The following AHNAK variants were observed in gnomAD, a reference collection of about 807,000 sequenced individuals.
AHNAK encodes the protein neuroblast differentiation-associated protein AHNAK.
A neutral mutation model predicts 37.8 loss-of-function variants in AHNAK; 23 were observed. The ratio of observed to expected loss-of-function variants is 0.61; its 90% CI spans 0.44 to 0.86. AHNAK has a LOEUF of 0.86. Ranked by LOEUF, AHNAK falls within the 40% of genes least tolerant of loss-of-function variation. The pLI is 0.00. For synonymous variants in AHNAK, 2,481 were observed against 2,636.3 expected, an observed-to-expected ratio of 0.94 and a Z score of 1.80; for missense variants, 7,411 against 7,319.4, an observed-to-expected ratio of 1.01 and a Z score of -0.46.
intron 1 of AHNAK, among the ~76,000 whole-genome samples, chr11:62,537,137 T>C (rs1017418550): frequency 1.3e-5 from 2 of 151,972 alleles, no homozygotes; most frequent in African/African-American, 2.4e-5. Flanking sequence ...ATTTTTTGTA[T>C]TTTTAGTAGA....
intron 5 of AHNAK, among the ~76,000 whole-genome samples, chr11:62,465,929 A>G (rs1320764165): frequency 1.3e-5 from 2 of 152,220 alleles, no homozygotes; most frequent in African/African-American, 4.8e-5. Flanking sequence ...GAACTGGAAG[A>G]CAATAGCCTC....
At chr11:62,476,647 A>C (rs927727888) in intron 5 of AHNAK, among the ~76,000 whole-genome samples, 3 of 152,218 alleles carry the variant, frequency 2.0e-5, no homozygotes, top group East Asian at 1.9e-4. Flanking sequence ...AACAAAAAAA[A>C]ACATCATTTT....
intron 4 of AHNAK, among the ~76,000 whole-genome samples, chr11:62,500,475 G>A (rs754997783): frequency 3.3e-5 from 5 of 152,170 alleles, no homozygotes; most frequent in Non-Finnish European, 7.3e-5. Flanking sequence ...CACTACCTTC[G>A]TTAACGATCA....
At chr11:62,493,310 G>A (rs941616993) in intron 4 of AHNAK, among the ~76,000 whole-genome samples, 5 of 147,504 alleles carry the variant, frequency 3.4e-5, no homozygotes, top group Non-Finnish European at 7.4e-5. Context: ...CATCATGCTC[G>A]GCCTGTTTTC....
chr11:62,501,709 T>C (rs1191655455), intron 4 of AHNAK, among the ~76,000 whole-genome samples: 2 of 152,256 alleles, frequency 1.3e-5, no homozygotes, highest in Non-Finnish European at 2.9e-5. Flanking sequence ...AGCCAAGTGC[T>C]GCCCAGCAAA....
In AHNAK at chr11:62,532,631, C is replaced by T; in HGVS notation, c.1786G>A (p.Gly596Arg). The change falls in exon 5 of 5, where the codon GGG becomes AGG. Residue 596 changes from glycine to arginine, a missense_variant. Coordinates refer to ENST00000378024, the MANE Select transcript of AHNAK (RefSeq NM_001620.3). The part of the protein sequence containing the change: ...GVDVTLPRVE[G>R]KVKVPEVDVR... Reference sequence around the variant, plus strand: ...TCAACTTCAGGGACTTTGACTTTCCCTTCTACTCTGGGGAGTGTGACATCT... The same window carrying T: ...TCAACTTCAGGGACTTTGACTTTCCTTTCTACTCTGGGGAGTGTGACATCT... 1 of 1,612,004 alleles carries T rather than the reference C, an allele frequency of 6.2e-7. No individual in the cohort carries two copies. Among genetic ancestry groups the T allele is most frequent in the Non-Finnish European group, 8.5e-7 (1 of 1,179,260 alleles).
In AHNAK at chr11:62,495,725, G is replaced by A. The variant is rs556017721; in HGVS notation, c.343-3894C>T. ...CTGCACTCCAGCATGGGGACAGAGC[G>A]AGACTCCGTCTCAAAAAAAAAAAAA... On this transcript the variant is annotated intron_variant, in intron 4 of 5. Coordinates refer to the AHNAK transcript ENST00000257247. Among the ~76,000 whole-genome samples the A allele has an allele frequency of 7.6e-4, 103 of 134,984 alleles. 1 individual carries two copies. Among genetic ancestry groups the A allele is most frequent in the African/African-American group, 2.6e-3 (92 of 36,070 alleles). The allele number at this position is 134,984 out of a possible 152,430, so 88.6% of individuals were successfully genotyped here. A position where few individuals can be genotyped will look rare whatever the true frequency, so the allele number is the denominator to read the frequency against.
In AHNAK at chr11:62,521,414, C is replaced by G. The variant is rs753806595; in HGVS notation, c.13003G>C (p.Asp4335His). ...SMPGFKGEGP[D>H]VDVTLPKADI... ...GCCTTAGGAAGGGTAACATCCACATCTGGGCCCTCTCCTTTGAATCCTGGC... is the reference window on the plus strand; with the variant it reads ...GCCTTAGGAAGGGTAACATCCACATGTGGGCCCTCTCCTTTGAATCCTGGC... Residue 4335 changes from aspartate (D) to histidine (H), a missense_variant, in exon 5 of 5, where the codon GAT (aspartate) becomes CAT (histidine). By Grantham distance (81) the Asp-to-His change is moderately conservative. Coordinates refer to ENST00000378024, the MANE Select transcript of AHNAK (RefSeq NM_001620.3). The G allele has an allele frequency of 6.2e-7, 1 of 1,613,994 alleles. No individual in the cohort carries two copies.
chr11:62,532,259 G>A lies in AHNAK; in HGVS notation c.2158C>T (p.Pro720Ser). ...CCTTTGAGTTCTCCTTCCAGCTTTG[G>A]TACAGTTACATCATACTCTCCCTTC... ...KVKGEYDVTVPKLEGELKGPK... is the reference protein window; with the variant it reads ...KVKGEYDVTVSKLEGELKGPK... Residue 720 changes from proline to serine, a missense_variant, in exon 5 of 5, where the codon CCA (proline) becomes TCA (serine). Pro to Ser is a moderately conservative substitution (Grantham distance 74). Coordinates refer to ENST00000378024, the MANE Select transcript of AHNAK (RefSeq NM_001620.3). 1.2e-6 allele frequency: 2 copies of A among 1,613,674 alleles called. No homozygotes were observed. Among genetic ancestry groups the A allele is most frequent in the African/African-American group, 1.3e-5 (1 of 74,798 alleles).
At chr11:62,455,203 G>T (rs1161388012) in intron 5 of AHNAK, among the ~76,000 whole-genome samples, 1 of 151,484 alleles carries the variant, frequency 6.6e-6, no homozygotes, top group Non-Finnish European at 1.5e-5. Context: ...AAAGTGCTGG[G>T]ATTACAGGCA....
In AHNAK at chr11:62,529,473, G is replaced by C. The variant is rs763133287; in HGVS notation, c.4944C>G (p.Phe1648Leu). ...GPKFKMPEMH[F>L]KAPKISMPDV... ...CGGGCATGGAGATCTTGGGGGCCTT[G>C]AAATGCATCTCAGGCATCTTAAACT... is the stretch of plus-strand genomic sequence containing the variant. The change falls in exon 5 of 5, where the codon TTC becomes TTG. Residue 1648 changes from phenylalanine to leucine, a missense_variant. Physicochemically the swap from Phe to Leu is conservative, Grantham distance 22. Transcript: ENST00000378024. 1.2e-5 allele frequency: 20 copies of C among 1,613,970 alleles called. No individual in the cohort carries two copies. Among genetic ancestry groups the C allele is most frequent in the Non-Finnish European group, 1.3e-5 (15 of 1,180,016 alleles).
At chr11:62,544,718 TC>T (rs1298801530) in intron 1 of AHNAK, among the ~76,000 whole-genome samples, 5 of 151,898 alleles carry the variant, frequency 3.3e-5, no homozygotes, top group Admixed American at 2.6e-4. Flanking sequence ...GAAGGAAGCT[TC>T]CCCCCATTCA....
chr11:62,490,174 G>C (rs1022186559), intron 5 of AHNAK, among the ~76,000 whole-genome samples: 3 of 151,606 alleles, frequency 2.0e-5, no homozygotes, highest in African/African-American at 7.3e-5. Context: ...GGGCTTGAGG[G>C]AGGCTTTCTT....
intron 4 of AHNAK, among the ~76,000 whole-genome samples, chr11:62,503,909 C>T (rs1255925915): frequency 6.6e-6 from 1 of 152,098 alleles, no homozygotes; most frequent in Non-Finnish European, 1.5e-5. Flanking sequence ...GCCTGTAATG[C>T]CTGCACTTTG....
chr11:62,546,489 A>C (rs1941315399), intron 1 of AHNAK, among the ~76,000 whole-genome samples, 171 bp downstream of exon 1: 1 of 152,234 alleles, frequency 6.6e-6, no homozygotes, highest in African/African-American at 2.4e-5. Flanking sequence ...CTCCGCTCCC[A>C]GAGAGCGACG....
intron 5 of AHNAK, among the ~76,000 whole-genome samples, chr11:62,452,108 A>G (rs1938552291): frequency 6.6e-6 from 1 of 152,108 alleles, no homozygotes. Context: ...CACCGCACCC[A>G]GCCTGCAAAC....
Position 62,526,871 on chromosome 11 carries a change from G to A in AHNAK, c.7546C>T (p.Pro2516Ser), listed in dbSNP as rs1940511169. The A allele has an allele frequency of 1.2e-6, 2 of 1,613,882 alleles. No homozygotes were observed. The highest frequency in any genetic ancestry group is 1.7e-5 in the Admixed American group (1 of 59,980). Residue 2516 changes from proline to serine, a missense_variant, in exon 5 of 5, where the codon CCC (proline) becomes TCC (serine). Physicochemically the swap from Pro to Ser is moderately conservative, Grantham distance 74. Coordinates refer to ENST00000378024, the MANE Select transcript of AHNAK (RefSeq NM_001620.3). ...TTGAAGCCAGGCATGCTGAACTTGG[G>A]CATTTTCATCTTGGGCATCTTCAGG... ...WHLKMPKMKM[P>S]KFSMPGFKAE...
chr11:62,530,687 C>G lies in AHNAK; in HGVS notation c.3730G>C (p.Glu1244Gln). 3 of 1,613,776 alleles carry G rather than the reference C, an allele frequency of 1.9e-6. No individual in the cohort carries two copies. The highest frequency in any genetic ancestry group is 2.5e-6 in the Non-Finnish European group (3 of 1,179,976). The change falls in exon 5 of 5, where the codon GAG becomes CAG. Residue 1244 changes from glutamate (E) to glutamine (Q), a missense_variant. By Grantham distance (29) the Glu-to-Gln change is conservative. Transcript: ENST00000378024. ...PKMDIDAPDVEVQGPDWHLKM... is the reference protein window; with the variant it reads ...PKMDIDAPDVQVQGPDWHLKM... ...AGGTGCCAGTCTGGGCCTTGAACCT[C>G]CACATCTGGGGCATCAATGTCCATT...
Position 62,525,324 on chromosome 11 carries a change from G to T in AHNAK, c.9093C>A (p.Ser3031Arg). 6.2e-7 allele frequency: 1 copy of T among 1,613,336 alleles called. No homozygotes were observed. Residue 3031 changes from serine (S) to arginine (R), a missense_variant, in exon 5 of 5, where the codon AGC becomes AGA. Physicochemically the swap from Ser to Arg is moderately radical, Grantham distance 110 (BLOSUM62 -1). Transcript: ENST00000378024. ...KMPKVKMPKF[S>R]MPGFKGEGPD... is the part of the protein sequence containing the mutation. ...GGCCCTCTCCTTTGAAGCCAGGCAT[G>T]CTGAATTTGGGCATTTTCACTTTGG...
Sources: gnomAD v4.1 joint callset for allele counts (sites outside exome capture counted in the v4.1 genomes callset) on GRCh38, gnomAD v4.1.1 for gene constraint, MANE v1.5 for transcripts, NCBI Gene and HGNC (gene_info 2026-07-23, HGNC 2026-07-21) for gene names.